Variants in CEP128 observed in about 807,000 individuals in gnomAD.
CEP128 encodes centrosomal protein 128, also known as centrosomal protein 128kDa.
Under a neutral mutation model 156.7 loss-of-function variants are expected in CEP128, and 132 were observed. The ratio of observed to expected loss-of-function variants is 0.84; its 90% CI spans 0.73 to 0.97. The LOEUF is 0.97. CEP128 is among the 50% of genes least tolerant of loss of function. The pLI is 0.00. For missense variants in CEP128, 1,252 were observed against 1,281.9 expected (o/e 0.98, Z 0.36); for synonymous variants, 469 against 448.9 (o/e 1.04, Z -0.57).
chr14:80,763,095 T>A (rs890444026), intron 16 of CEP128, among the ~76,000 whole-genome samples: 4 of 152,206 alleles, frequency 2.6e-5, no homozygotes, highest in Non-Finnish European at 4.4e-5. Flanking sequence ...AGGCAAACTA[T>A]AATCAGACTA....
chr14:80,700,827 ATT>A (rs781746076), intron 19 of CEP128, among the ~76,000 whole-genome samples: 1 of 152,184 alleles, frequency 6.6e-6, no homozygotes, highest in Admixed American at 6.5e-5. Context: ...AGAAAATAAT[ATT>A]GTTTCTTTAT....
intron 17 of CEP128, among the ~76,000 whole-genome samples, chr14:80,759,119 A>G (rs1222848735): frequency 6.6e-6 from 1 of 152,234 alleles, no homozygotes; most frequent in Non-Finnish European, 1.5e-5. Context: ...ATCTTAATTC[A>G]GACACTTTCC....
At chr14:80,574,013 G>A (rs1403553016) in intron 20 of CEP128, among the ~76,000 whole-genome samples, 2 of 152,140 alleles carry the variant, frequency 1.3e-5, no homozygotes, top group African/African-American at 2.4e-5. Flanking sequence ...AGAAGAATAC[G>A]TGGGTATGCA....
chr14:80,685,300 A>C (rs555209550), intron 19 of CEP128, among the ~76,000 whole-genome samples: 22 of 152,302 alleles, frequency 1.4e-4, no homozygotes, highest in Admixed American at 4.6e-4. Context: ...CTATAATGCA[A>C]CAATATTCAA....
At chr14:80,866,074 G>A (rs965682210) in intron 8 of CEP128, among the ~76,000 whole-genome samples, 1 of 152,090 alleles carries the variant, frequency 6.6e-6, no homozygotes, top group Admixed American at 6.5e-5. Context: ...TATGGACCCA[G>A]TATACAGGTC....
At position 80,526,978 on chromosome 14, in the gene CEP128, G is replaced by T; in HGVS notation, c.2963C>A (p.Ser988Tyr). Residue 988 changes from serine to tyrosine, a missense_variant, in exon 23 of 25, where the codon TCC (serine) becomes TAC (tyrosine). Coordinates refer to ENST00000555265, the MANE Select transcript of CEP128 (RefSeq NM_152446.5). ...LLEDFKDFRD[S>Y]CSSSERTDGR... ...ATCAGTTCTCTCAGATGAACTGCAG[G>T]AATCCTGGAAAAAAAAAAAAGCAAA... 2.1e-6 allele frequency: 3 copies of T among 1,421,886 alleles called. No individual in the cohort carries two copies. The highest frequency in any genetic ancestry group is 2.9e-6 in the Non-Finnish European group (3 of 1,052,590). The allele number at this position is 1,421,886 out of a possible 1,614,324, so 88.1% of individuals were successfully genotyped here. A position where few individuals can be genotyped will look rare whatever the true frequency, so the allele number is the denominator to read the frequency against.
chr14:80,559,312 A>C lies in CEP128; in HGVS notation c.2857-10T>G. On this transcript the variant is annotated splice_polypyrimidine_tract_variant and intron_variant, in intron 20 of 24. Coordinates refer to ENST00000555265, the MANE Select transcript of CEP128 (RefSeq NM_152446.5). ...ATGCAATTACACGGTCCTGCAAAGA[A>C]AGCATAATATATAATTATAAAACGA... 1 of 1,594,878 alleles carries C rather than the reference A, an allele frequency of 6.3e-7. No individual in the cohort carries two copies. The highest frequency in any genetic ancestry group is 1.2e-5 in the South Asian group (1 of 86,670).
chr14:80,950,358 C>T (rs971816663), intron 2 of CEP128, among the ~76,000 whole-genome samples: 2 of 151,980 alleles, frequency 1.3e-5, no homozygotes, highest in Non-Finnish European at 2.9e-5. Flanking sequence ...TTACAGCAGC[C>T]CTAGGAAACT....
chr14:80,512,754 TAAG>T (rs1040292330), intron 23 of CEP128, among the ~76,000 whole-genome samples: 3 of 152,106 alleles, frequency 2.0e-5, no homozygotes, highest in African/African-American at 7.2e-5. Context: ...TTTTTTGATT[TAAG>T]GTTATCATGA....
At chr14:80,717,711 T>A (rs1326762422) in intron 19 of CEP128, among the ~76,000 whole-genome samples, 1 of 152,220 alleles carries the variant, frequency 6.6e-6, no homozygotes, top group Non-Finnish European at 1.5e-5. Context: ...ATTTACTTGG[T>A]GCCACTTTCA....
chr14:80,781,766 T>C (rs1173462543), intron 15 of CEP128, among the ~76,000 whole-genome samples: 2 of 152,228 alleles, frequency 1.3e-5, no homozygotes, highest in Admixed American at 6.5e-5. Flanking sequence ...ATATTGTCCA[T>C]ATGCCAATGT....
At chr14:80,605,432 C>T (rs1036176917) in intron 19 of CEP128, among the ~76,000 whole-genome samples, 1 of 151,960 alleles carries the variant, frequency 6.6e-6, no homozygotes, top group Non-Finnish European at 1.5e-5. Context: ...TCGTTCACCT[C>T]GAATATCTAT....
intron 19 of CEP128, among the ~76,000 whole-genome samples, chr14:80,643,524 C>T (rs1463761678): frequency 6.6e-6 from 1 of 152,114 alleles, no homozygotes; most frequent in African/African-American, 2.4e-5. Flanking sequence ...CAAGACCAGT[C>T]TGGCCAACAG....
intron 21 of CEP128, among the ~76,000 whole-genome samples, chr14:80,549,401 A>G (rs1890120984): frequency 6.6e-6 from 1 of 152,214 alleles, no homozygotes; most frequent in African/African-American, 2.4e-5. Flanking sequence ...ATTCTGGGTC[A>G]AAACTGTAAC....
intron 19 of CEP128, among the ~76,000 whole-genome samples, chr14:80,632,188 TTTTC>T (rs1349018846): frequency 6.6e-6 from 1 of 152,032 alleles, no homozygotes; most frequent in Non-Finnish European, 1.5e-5. Flanking sequence ...CCTTCAGTAT[TTTTC>T]TTTTTAGTTT....
In CEP128 at chr14:80,614,038, T is replaced by C. The variant is rs937899463; in HGVS notation, c.2807-33615A>G. On this transcript the variant is annotated intron_variant, in intron 19 of 24. Coordinates refer to ENST00000555265, the MANE Select transcript of CEP128 (RefSeq NM_152446.5). ...GCAGAATAAAATTATCTTTTTCTTATTTGACAAGACTAGATTTTTAAATAA... is the reference window on the plus strand; with the variant it reads ...GCAGAATAAAATTATCTTTTTCTTACTTGACAAGACTAGATTTTTAAATAA... Among the ~76,000 whole-genome samples the C allele has an allele frequency of 1.6e-4, 25 of 152,318 alleles. No individual in the cohort carries two copies. The East Asian group carries it at 4.4e-3, about 27-fold the overall frequency.
chr14:80,480,428 C>G (rs1195059513), intron 14 of CEP128, among the ~76,000 whole-genome samples: 2 of 152,112 alleles, frequency 1.3e-5, no homozygotes, highest in African/African-American at 4.8e-5. Context: ...AAGCCATAGC[C>G]CAACCCATAC....
At chr14:80,511,114 T>C (rs1341980786) in intron 23 of CEP128, among the ~76,000 whole-genome samples, 2 of 151,598 alleles carry the variant, frequency 1.3e-5, no homozygotes, top group Non-Finnish European at 2.9e-5. Context: ...AGGGTAATAC[T>C]GGCCTCATAG....
intron 21 of CEP128, among the ~76,000 whole-genome samples, chr14:80,542,613 G>C (rs1367198673): frequency 6.6e-6 from 1 of 152,166 alleles, no homozygotes; most frequent in Non-Finnish European, 1.5e-5. Flanking sequence ...GTGCTCTGAA[G>C]AGCAACATGT....
Sources: gnomAD v4.1 joint callset for allele counts (sites outside exome capture counted in the v4.1 genomes callset) on GRCh38, gnomAD v4.1.1 for gene constraint, MANE v1.5 for transcripts, NCBI Gene and HGNC (gene_info 2026-07-23, HGNC 2026-07-21) for gene names.